Variants in DCTN1 observed in about 807,000 individuals in gnomAD.
DCTN1 encodes the protein dynactin subunit 1, also known as 150 kDa dynein-associated polypeptide.
In DCTN1, 61 loss-of-function variants were observed where a neutral mutation model predicts 161.2. The ratio of observed to expected loss-of-function variants is 0.38; its 90% CI spans 0.31 to 0.47. The LOEUF (loss-of-function observed/expected upper bound fraction) is 0.47. Ranked by LOEUF, DCTN1 falls within the 20% of genes least tolerant of loss-of-function variation. The probability of loss-of-function intolerance (pLI) is 0.99; values close to 1 mark genes in which losing one functional copy is unlikely to be tolerated. For synonymous variants in DCTN1, 653 were observed against 632.4 expected, an observed-to-expected ratio of 1.03 and a Z score of -0.49; for missense variants, 1,404 against 1,623.7, an observed-to-expected ratio of 0.86 and a Z score of 2.33.
upstream of DCTN1, among the ~76,000 whole-genome samples, chr2:74,383,081 CA>C (rs1184829255): frequency 4.4e-3 from 440 of 99,280 alleles, 2 homozygotes; most frequent in Middle Eastern, 0.013. Context: ...GACTCCGTCT[CA>C]AAAAAAAAAA....
upstream of DCTN1, among the ~76,000 whole-genome samples, chr2:74,384,720 CT>C (rs2103758708): frequency 6.6e-6 from 1 of 152,336 alleles, no homozygotes; most frequent in Admixed American, 6.5e-5. Context: ...CCCCAGCATC[CT>C]TTGATACCTT....
Position 74,367,776 on chromosome 2 carries a change from G to A in DCTN1, c.2104C>T (p.Leu702Phe), listed in dbSNP as rs374500944. The change falls in exon 18 of 32, where the codon CTC (leucine) becomes TTC (phenylalanine). Residue 702 changes from leucine (L) to phenylalanine (F), a missense_variant. By Grantham distance (22) the Leu-to-Phe change is conservative. This residue lies in a region of DCTN1 where 475 missense variants were observed against 489.8 expected (regional missense o/e 0.97). Coordinates refer to ENST00000628224, the MANE Select transcript of DCTN1 (RefSeq NM_004082.5). The stretch of plus-strand genomic sequence containing the variant: ...TGATCCTTGTGCAGCAGTTCAATGA[G>A]GAAATCCAAGGAGCGCTCATGGGCA... Reference protein sequence around the residue: ...MSAHERSLDFLIELLHKDQLD... With the variant: ...MSAHERSLDFFIELLHKDQLD... 1.9e-6 allele frequency: 3 copies of A among 1,614,158 alleles called. No individual in the cohort carries two copies. Among genetic ancestry groups the A allele is most frequent in the Non-Finnish European group, 2.5e-6 (3 of 1,180,040 alleles).
chr2:74,376,609 G>T, intron 5 of DCTN1, 133 bp downstream of exon 5: 1 of 851,332 alleles, frequency 1.2e-6, no homozygotes, highest in Non-Finnish European at 1.9e-6. Context: ...TGAAAGCCAA[G>T]GCCACCATTT....
At chr2:74,371,885 G>A in intron 7 of DCTN1, 157 bp from the exon 8 acceptor site, 1 of 650,298 alleles carries the variant, frequency 1.5e-6, no homozygotes, top group Non-Finnish European at 2.7e-6. Flanking sequence ...GAAGAATGAA[G>A]GGGACAAGGA....
chr2:74,387,435 A>G (rs1675783033), intron 1 of DCTN1, among the ~76,000 whole-genome samples: 1 of 152,178 alleles, frequency 6.6e-6, no homozygotes, highest in African/African-American at 2.4e-5. Context: ...ACTGTCTGCT[A>G]ACTGCCACAG....
intron 7 of DCTN1, among the ~76,000 whole-genome samples, chr2:74,372,376 C>A (rs1057490858): frequency 2.5e-4 from 38 of 152,234 alleles, no homozygotes; most frequent in Admixed American, 1.3e-4. Context: ...CTCCCCCGAT[C>A]TGGCAACACT....
chr2:74,370,597 C>T lies in DCTN1; in HGVS notation c.1048+24G>A, dbSNP rs752146306. On this transcript the variant is annotated intron_variant, in intron 10 of 31. Transcript: ENST00000628224. The surrounding 1 kb of genome is among the most constrained non-coding windows in gnomAD (Gnocchi z 4.4). ...CATGGTTCTCACCTGACCGTTTGGCCCCCAGCAGCTGTGGGCCCCTTACCC... is the reference window on the plus strand; with the variant it reads ...CATGGTTCTCACCTGACCGTTTGGCTCCCAGCAGCTGTGGGCCCCTTACCC... The T allele has an allele frequency of 1.9e-6, 3 of 1,613,958 alleles. No homozygotes were observed. Among genetic ancestry groups the T allele is most frequent in the Admixed American group, 1.7e-5 (1 of 60,008 alleles).
chr2:74,361,416 G>C lies in DCTN1; in HGVS notation c.*83C>G, dbSNP rs549059722. 1 of 1,599,990 alleles carries C rather than the reference G, an allele frequency of 6.3e-7. No homozygotes were observed. The highest frequency in any genetic ancestry group is 8.5e-7 in the Non-Finnish European group (1 of 1,171,702). On this transcript the variant is annotated 3_prime_UTR_variant, in exon 32 of 32. Transcript: ENST00000628224. The stretch of plus-strand genomic sequence containing the variant: ...AGAGCTTAACCCACGTTTCTACCTG[G>C]GGGCTGGCTGAGGTGGCTGTGCATC...
intron 1 of DCTN1, among the ~76,000 whole-genome samples, chr2:74,379,551 A>G (rs759804442): frequency 9.2e-5 from 14 of 152,128 alleles, no homozygotes; most frequent in Non-Finnish European, 1.9e-4. Context: ...GGCTGAACCC[A>G]AAGTCAGAGA....
intron 6 of DCTN1, chr2:74,374,051 C>T (rs905867952): frequency 6.2e-5 from 31 of 504,022 alleles, no homozygotes; most frequent in Middle Eastern, 5.7e-4. Flanking sequence ...ATCCGGTATG[C>T]GGTAGAGGCT....
In DCTN1 at chr2:74,374,380, G is replaced by C. The variant is rs1347053394; in HGVS notation, c.415-40C>G. 6 of 1,612,850 alleles carry C rather than the reference G, an allele frequency of 3.7e-6. No homozygotes were observed. In the East Asian group the frequency reaches 1.3e-4, roughly 36 times the overall value. ...CAGAAAACCAAAGAAAGCAAGGAGA[G>C]GAAAGAGGAGGGACAGAGGAGGATA... On this transcript the variant is annotated intron_variant, in intron 5 of 31. Coordinates refer to ENST00000628224, the MANE Select transcript of DCTN1 (RefSeq NM_004082.5).
intron 6 of DCTN1, chr2:74,374,060 C>G: frequency 1.9e-6 from 1 of 525,398 alleles, no homozygotes; most frequent in Non-Finnish European, 3.6e-6. Context: ...GCGGTAGAGG[C>G]TGCCTGAAGC....
upstream of DCTN1, chr2:74,380,490 C>G: frequency 2.1e-6 from 1 of 474,940 alleles, no homozygotes; most frequent in Non-Finnish European, 4.4e-6. Flanking sequence ...CTAGTCTGTA[C>G]CCACTCACCA....
chr2:74,369,941 G>A lies in DCTN1; in HGVS notation c.1392+24C>T. 2 of 1,609,380 alleles carry A rather than the reference G, an allele frequency of 1.2e-6. No individual in the cohort carries two copies. The highest frequency in any genetic ancestry group is 1.7e-6 in the Non-Finnish European group (2 of 1,175,954). ...TTTTCTCAGCAGGTCCAAGTCAGAT[G>A]TCAGGGGTCTGCTCTTCTCTTACCA... is the stretch of plus-strand genomic sequence containing the variant. On this transcript the variant is annotated intron_variant, in intron 13 of 31. Coordinates refer to ENST00000628224, the MANE Select transcript of DCTN1 (RefSeq NM_004082.5). This position sits in a 1 kb window ranked among gnomAD's most constrained non-coding sequence, Gnocchi z 4.9.
rs1378903863 is a variant in DCTN1 at position 74,371,169 on chromosome 2, T to C, written c.653A>G (p.Glu218Gly). The change falls in exon 9 of 32, where the codon GAG (glutamate) becomes GGG (glycine). Residue 218 changes from glutamate to glycine, a missense_variant. By Grantham distance (98) the Glu-to-Gly change is moderately conservative (BLOSUM62 -2). Transcript: ENST00000628224. ...PPLPSPSKEE[E>G]GLRAQVRDLE... ...GTCCCGCACCTGAGCCCTTAGTCCC[T>C]CCTCCTCCTGCAAAGGAGAGGCCTC... 4 of 1,613,314 alleles carry C rather than the reference T, an allele frequency of 2.5e-6. 1 individual carries two copies. The East Asian group carries it at 8.9e-5, about 36-fold the overall frequency.
chr2:74,375,070 T>C (rs193136551), intron 5 of DCTN1, among the ~76,000 whole-genome samples: 7 of 151,302 alleles, frequency 4.6e-5, no homozygotes, highest in Admixed American at 3.9e-4. Context: ...GCAACACCCT[T>C]ACAGTCTCTC....
rs1403208705 is a variant in DCTN1 at position 74,362,717 on chromosome 2, G to A, written c.3542C>T (p.Pro1181Leu). 1.1e-5 allele frequency: 17 copies of A among 1,613,926 alleles called. No individual in the cohort carries two copies. The highest frequency in any genetic ancestry group is 1.4e-5 in the Non-Finnish European group (17 of 1,179,988). The change falls in exon 30 of 32, where the codon CCG becomes CTG. Residue 1181 changes from proline (P) to leucine (L), a missense_variant. By Grantham distance (98) the Pro-to-Leu change is moderately conservative. Coordinates refer to ENST00000628224, the MANE Select transcript of DCTN1 (RefSeq NM_004082.5). ...ITRTSPAAKS[P>L]SAQLMEQVAQ... ...CACTTGCTCCATAAGTTGGGCCGACGGGCTCTTGGCAGCTGTGGGGAGAGA... is the reference window on the plus strand; with the variant it reads ...CACTTGCTCCATAAGTTGGGCCGACAGGCTCTTGGCAGCTGTGGGGAGAGA...
chr2:74,391,789 C>T, intron 1 of DCTN1: 5 of 453,796 alleles, frequency 1.1e-5, no homozygotes, highest in Non-Finnish European at 2.2e-5. Flanking sequence ...GTCGCGCCTC[C>T]GTACCTGCAC....
rs1443198573 is a variant in DCTN1 at position 74,369,749 on chromosome 2, G to T, written c.1392+216C>A. On this transcript the variant is annotated intron_variant, in intron 13 of 31. Coordinates refer to ENST00000628224, the MANE Select transcript of DCTN1 (RefSeq NM_004082.5). This position sits in a 1 kb window ranked among gnomAD's most constrained non-coding sequence, Gnocchi z 4.9. Reference sequence around the variant, plus strand: ...AATCGCTTGAACCTGGGAGGCGGAGGTTGCAGTGAGCCGAGATTATTGCGC... The same window carrying T: ...AATCGCTTGAACCTGGGAGGCGGAGTTTGCAGTGAGCCGAGATTATTGCGC... 6.6e-6 allele frequency among the ~76,000 whole-genome samples: 1 copy of T among 151,252 alleles called. No homozygotes were observed. Among genetic ancestry groups the T allele is most frequent in the Non-Finnish European group, 1.5e-5 (1 of 67,892 alleles).
Sources: gnomAD v4.1 joint callset for allele counts (sites outside exome capture counted in the v4.1 genomes callset) on GRCh38, gnomAD v4.1.1 for gene constraint, gnomAD v4.1.1 regional missense constraint, Gnocchi (gnomAD v3.1) non-coding constraint, MANE v1.5 for transcripts, NCBI Gene and HGNC (gene_info 2026-07-23, HGNC 2026-07-21) for gene names.